Variants in TMEM45A observed in about 807,000 individuals in gnomAD.
The protein encoded by TMEM45A is DNA polymerase-transactivated protein 4.
TMEM45A carries 25 observed loss-of-function variants against 32.0 expected under a neutral mutation model. That is an observed-to-expected ratio of 0.78 (90% CI 0.57 to 1.09). The LOEUF (loss-of-function observed/expected upper bound fraction) is 1.09. TMEM45A is among the 50% of genes least tolerant of loss of function. The probability of loss-of-function intolerance (pLI) is 0.00; values close to 1 mark genes in which losing one functional copy is unlikely to be tolerated. For synonymous variants in TMEM45A, 122 were observed against 114.8 expected, an observed-to-expected ratio of 1.06 and a Z score of -0.40; for missense variants, 302 against 325.0, an observed-to-expected ratio of 0.93 and a Z score of 0.54.
chr3:100,562,222 GT>G (rs1217957640), intron 4 of TMEM45A, among the ~76,000 whole-genome samples: 19 of 151,294 alleles, frequency 1.3e-4, no homozygotes, highest in Non-Finnish European at 1.2e-4. Context: ...GCAGATTGAG[GT>G]TTTTTTTTGG....
At chr3:100,496,141 G>T (rs369835523) in intron 1 of TMEM45A, among the ~76,000 whole-genome samples, 6 of 152,002 alleles carry the variant, frequency 3.9e-5, no homozygotes, top group African/African-American at 1.5e-4. Context: ...GAACCCTTGT[G>T]GTCCTCCTTG....
At chr3:100,519,407 G>C (rs1030992853) in intron 1 of TMEM45A, 2 of 647,050 alleles carry the variant, frequency 3.1e-6, no homozygotes, top group Non-Finnish European at 5.5e-6. Context: ...GTGTGTGTGT[G>C]TGTAAAACTG....
At chr3:100,534,581 G>A (rs1458004069) in intron 1 of TMEM45A, among the ~76,000 whole-genome samples, 6 of 152,196 alleles carry the variant, frequency 3.9e-5, no homozygotes, top group African/African-American at 1.2e-4. Context: ...GAGAGGGAAC[G>A]TGGCCCTGCC....
chr3:100,575,461 C>T (rs72929220), intron 5 of TMEM45A, among the ~76,000 whole-genome samples: 19,732 of 150,788 alleles, frequency 0.13, 1,586 homozygotes, highest in East Asian at 0.31. Flanking sequence ...CAACCTCCAC[C>T]GCCTGGACTC....
At chr3:100,574,258 C>T (rs1442293000) in intron 5 of TMEM45A, 2 of 151,616 alleles carry the variant, frequency 1.3e-5, no homozygotes, top group Non-Finnish European at 2.9e-5. Flanking sequence ...GCTAGCAAGA[C>T]TAATAAAGAA....
rs750557607 is a variant in TMEM45A at position 100,556,903 on chromosome 3, T to C, written c.334T>C (p.Cys112Arg). ...FGLLGVADIL[C>R]FTISSLPVSL... ...GCTGTTGGGTGTGGCAGATATCTTA[T>C]GTTTCACCATCAGTTCACTTCCTGT... Residue 112 changes from cysteine (C) to arginine (R), a missense_variant, in exon 3 of 6, where the codon TGT becomes CGT. Transcript: ENST00000323523. The C allele has an allele frequency of 8.7e-6, 14 of 1,614,248 alleles. No homozygotes were observed. In the Middle Eastern group the frequency reaches 1.8e-3, roughly 209 times the overall value.
chr3:100,560,373 T>G (rs9865411), intron 4 of TMEM45A, among the ~76,000 whole-genome samples: 8 of 151,702 alleles, frequency 5.3e-5, no homozygotes, highest in African/African-American at 1.9e-4. Context: ...AGCTGCCTTC[T>G]GTAAGATTTG....
At chr3:100,551,944 T>C (rs929719196) in intron 1 of TMEM45A, among the ~76,000 whole-genome samples, 9 of 152,126 alleles carry the variant, frequency 5.9e-5, no homozygotes, top group African/African-American at 1.2e-4. Context: ...TACATCCTGA[T>C]GGATGTGCTG....
At position 100,492,755 on chromosome 3, in the gene TMEM45A, T is replaced by TTCCCCCCCCCCCCCC. The variant is rs1707864096; in HGVS notation, c.-177_-176insTCCCCCCCCCCCCCC. On this transcript the variant is annotated 5_prime_UTR_variant, in exon 1 of 6. Coordinates refer to ENST00000323523, the MANE Select transcript of TMEM45A (RefSeq NM_018004.3). The stretch of plus-strand genomic sequence containing the variant: ...CGACTAGGGACCCAAGTTTAAAAAT[T>TTCCCCCCCCCCCCCC]CCTCCCCCCACCCAATGCGAGACGT... 7.0e-6 allele frequency: 1 copy of TTCCCCCCCCCCCCCC among 143,526 alleles called. No individual in the cohort carries two copies. Among genetic ancestry groups the TTCCCCCCCCCCCCCC allele is most frequent in the African/African-American group, 2.7e-5 (1 of 36,840 alleles). The allele number at this position is 143,526 out of a possible 1,614,324, so 8.9% of individuals were successfully genotyped here. A position where few individuals can be genotyped will look rare whatever the true frequency, so the allele number is the denominator to read the frequency against.
intron 1 of TMEM45A, among the ~76,000 whole-genome samples, chr3:100,532,491 G>T (rs1039816134): frequency 6.6e-6 from 1 of 152,154 alleles, no homozygotes. Flanking sequence ...TGATGCGGCC[G>T]GCCCATATGC....
chr3:100,498,508 G>A (rs191783080), intron 1 of TMEM45A, among the ~76,000 whole-genome samples: 2 of 152,258 alleles, frequency 1.3e-5, no homozygotes, highest in East Asian at 3.9e-4. Flanking sequence ...CTACCCTGTA[G>A]GTTTTGGACT....
chr3:100,494,097 G>T (rs1294112006), intron 1 of TMEM45A, among the ~76,000 whole-genome samples: 2 of 152,166 alleles, frequency 1.3e-5, no homozygotes, highest in African/African-American at 4.8e-5. Flanking sequence ...GTACATGCTT[G>T]CAGATAGTTC....
chr3:100,514,121 A>T (rs1424452005), intron 1 of TMEM45A, among the ~76,000 whole-genome samples: 1 of 152,188 alleles, frequency 6.6e-6, no homozygotes, highest in African/African-American at 2.4e-5. Flanking sequence ...AATTGAAAAA[A>T]CTACTTTAAA....
At chr3:100,572,606 T>C (rs1482709304) in intron 5 of TMEM45A, 1 of 152,032 alleles carries the variant, frequency 6.6e-6, no homozygotes, top group Non-Finnish European at 1.5e-5. Context: ...TTAGTTTAAT[T>C]AGATCCCATT....
At chr3:100,536,012 CAA>C (rs1292367586) in intron 1 of TMEM45A, among the ~76,000 whole-genome samples, 1 of 152,084 alleles carries the variant, frequency 6.6e-6, no homozygotes, top group Non-Finnish European at 1.5e-5. Context: ...TAACTAGTGA[CAA>C]GAGTGAGAAT....
intron 1 of TMEM45A, among the ~76,000 whole-genome samples, chr3:100,550,045 T>C (rs1429197834): frequency 2.7e-5 from 2 of 74,316 alleles, no homozygotes; most frequent in African/African-American, 1.1e-4. Flanking sequence ...GGGACTGTGG[T>C]GGGGTGGGGG....
At chr3:100,504,401 G>A (rs773042620) in intron 1 of TMEM45A, among the ~76,000 whole-genome samples, 2 of 152,188 alleles carry the variant, frequency 1.3e-5, no homozygotes, top group East Asian at 3.8e-4. Flanking sequence ...GGTTGAAATA[G>A]CACTGCTGCA....
At chr3:100,559,989 G>T (rs895467927) in intron 4 of TMEM45A, among the ~76,000 whole-genome samples, 4 of 152,146 alleles carry the variant, frequency 2.6e-5, no homozygotes, top group Non-Finnish European at 5.9e-5. Context: ...CAGGCCCAGA[G>T]CAGACGGTGA....
chr3:100,569,007 G>A lies in TMEM45A; in HGVS notation c.734+40G>A. On this transcript the variant is annotated intron_variant, in intron 5 of 5. Coordinates refer to ENST00000323523, the MANE Select transcript of TMEM45A (RefSeq NM_018004.3). Reference sequence around the variant, plus strand: ...TCTGTTAATGGAAGTTCTGTTCCTTGGTATGTGATTATCAAGACTCAGTGG... The same window carrying A: ...TCTGTTAATGGAAGTTCTGTTCCTTAGTATGTGATTATCAAGACTCAGTGG... 1.9e-6 allele frequency: 3 copies of A among 1,579,752 alleles called. No individual in the cohort carries two copies. In the South Asian group the frequency reaches 3.4e-5, roughly 18 times the overall value.
Sources: allele counts gnomAD v4.1 joint callset (sites outside exome capture counted in the v4.1 genomes callset), GRCh38; gene constraint gnomAD v4.1.1; transcripts MANE v1.5; gene names NCBI Gene and HGNC (gene_info 2026-07-23, HGNC 2026-07-21).